The following ZFPM2 variants were observed in gnomAD, a reference collection of about 807,000 sequenced individuals.
ZFPM2 encodes the protein zinc finger protein ZFPM2.
In ZFPM2, 20 loss-of-function variants were observed where a neutral mutation model predicts 98.6. The observed-to-expected ratio is 0.20, with a 90% confidence interval of 0.14 to 0.29. The LOEUF (loss-of-function observed/expected upper bound fraction) is 0.29. ZFPM2 is among the 10% of genes least tolerant of loss of function. ZFPM2 has a pLI of 1.00. For missense variants in ZFPM2, 1,310 were observed against 1,388.6 expected (o/e 0.94, Z 0.90); for synonymous variants, 518 against 502.7 (o/e 1.03, Z -0.41).
At chr8:105,426,294 A>T (rs1473285065) in intron 2 of ZFPM2, among the ~76,000 whole-genome samples, 5 of 152,210 alleles carry the variant, frequency 3.3e-5, no homozygotes, top group Non-Finnish European at 5.9e-5. Context: ...AAAAGCCAAT[A>T]TGACTTTGTT....
intron 5 of ZFPM2, among the ~76,000 whole-genome samples, chr8:105,726,544 C>G (rs1325875470): frequency 6.6e-6 from 1 of 151,808 alleles, no homozygotes; most frequent in Non-Finnish European, 1.5e-5. Context: ...CAGTAAATAA[C>G]TAGCAGACGC....
chr8:105,795,656 T>A, intron 6 of ZFPM2: 1 of 307,956 alleles, frequency 3.2e-6, no homozygotes, highest in Non-Finnish European at 6.3e-6. Context: ...GAACACTTTA[T>A]ATGGAGAATT....
chr8:105,387,190 A>G (rs925853953), intron 1 of ZFPM2: 4 of 152,788 alleles, frequency 2.6e-5, no homozygotes, highest in African/African-American at 7.2e-5. Flanking sequence ...CAGAGTGCCA[A>G]TTGCTGTATT....
At chr8:105,451,957 C>G (rs909410200) in intron 3 of ZFPM2, among the ~76,000 whole-genome samples, 11 of 152,068 alleles carry the variant, frequency 7.2e-5, no homozygotes, top group African/African-American at 2.7e-4. Context: ...TTGAAACCTT[C>G]AAAAGACTGG....
chr8:105,578,479 G>GT (rs1815517243), intron 4 of ZFPM2, among the ~76,000 whole-genome samples: 1 of 152,006 alleles, frequency 6.6e-6, no homozygotes, highest in Admixed American at 6.6e-5. Flanking sequence ...AAACAATTCA[G>GT]AGTATTCTTA....
chr8:105,725,120 G>T (rs1239480735), intron 5 of ZFPM2, among the ~76,000 whole-genome samples: 3 of 151,614 alleles, frequency 2.0e-5, no homozygotes, highest in Non-Finnish European at 4.4e-5. Context: ...CTATATAACT[G>T]ATTTGATTTT....
intron 4 of ZFPM2, among the ~76,000 whole-genome samples, chr8:105,573,656 C>T (rs1043844812): frequency 6.6e-6 from 1 of 152,078 alleles, no homozygotes; most frequent in African/African-American, 2.4e-5. Flanking sequence ...ATTAATTTTG[C>T]AATAAAGACA....
intron 4 of ZFPM2, among the ~76,000 whole-genome samples, chr8:105,615,388 C>T (rs1816393089): frequency 6.6e-6 from 1 of 152,064 alleles, no homozygotes; most frequent in African/African-American, 2.4e-5. Flanking sequence ...TACTTTTCTG[C>T]AAAGTTGAAT....
chr8:105,698,647 CA>C (rs1369322901), intron 5 of ZFPM2, among the ~76,000 whole-genome samples: 1 of 151,944 alleles, frequency 6.6e-6, no homozygotes, highest in Non-Finnish European at 1.5e-5. Flanking sequence ...TTTAGACGAA[CA>C]AAGTTCATGG....
chr8:105,687,184 A>G (rs1014476315), intron 5 of ZFPM2, among the ~76,000 whole-genome samples: 2 of 152,220 alleles, frequency 1.3e-5, no homozygotes, highest in Non-Finnish European at 2.9e-5. Flanking sequence ...CCATCAGCCT[A>G]GGTTCTTGAA....
At chr8:105,410,340 T>A (rs1159621714) in intron 1 of ZFPM2, among the ~76,000 whole-genome samples, 1 of 151,924 alleles carries the variant, frequency 6.6e-6, no homozygotes, top group Non-Finnish European at 1.5e-5. Flanking sequence ...CCACTCTTAA[T>A]TCATCTTTGC....
chr8:105,357,047 CA>C (rs1222845942), intron 1 of ZFPM2, among the ~76,000 whole-genome samples: 9 of 152,104 alleles, frequency 5.9e-5, no homozygotes, highest in African/African-American at 1.7e-4. Context: ...TTGCTTTTTG[CA>C]AACTATTTCT....
chr8:105,321,038 C>T (rs1812015133), intron 1 of ZFPM2, among the ~76,000 whole-genome samples: 1 of 152,110 alleles, frequency 6.6e-6, no homozygotes, highest in Admixed American at 6.5e-5. Flanking sequence ...AATGTGGACA[C>T]CCCTTCTTCC....
At chr8:105,398,238 A>T (rs1438708047) in intron 1 of ZFPM2, among the ~76,000 whole-genome samples, 1 of 152,102 alleles carries the variant, frequency 6.6e-6, no homozygotes, top group Admixed American at 6.6e-5. Flanking sequence ...TAAGGATCAT[A>T]TTGTTAGTTT....
At chr8:105,395,854 G>A (rs575732483) in intron 1 of ZFPM2, among the ~76,000 whole-genome samples, 8 of 152,250 alleles carry the variant, frequency 5.3e-5, no homozygotes, top group Non-Finnish European at 1.2e-4. Flanking sequence ...CAGAATCAAG[G>A]TTTAAATGCA....
intron 1 of ZFPM2, among the ~76,000 whole-genome samples, chr8:105,354,806 T>A (rs570587765): frequency 1.3e-5 from 2 of 152,030 alleles, no homozygotes; most frequent in African/African-American, 4.8e-5. Context: ...TACAAAAAAT[T>A]AGCTGGGCAT....
chr8:105,366,440 C>A (rs1441242653), intron 1 of ZFPM2, among the ~76,000 whole-genome samples: 1 of 151,994 alleles, frequency 6.6e-6, no homozygotes, highest in African/African-American at 2.4e-5. Context: ...GATACTGAAT[C>A]TTTATTTACA....
chr8:105,444,518 A>T (rs942514483), intron 3 of ZFPM2, 137 bp downstream of exon 3: 17 of 492,964 alleles, frequency 3.4e-5, no homozygotes, highest in Non-Finnish European at 5.6e-5. Context: ...AATAAAGATT[A>T]TTATTTTAAA....
intron 1 of ZFPM2, among the ~76,000 whole-genome samples, chr8:105,364,906 T>C (rs1810479006): frequency 6.6e-6 from 1 of 152,110 alleles, no homozygotes; most frequent in Admixed American, 6.6e-5. Flanking sequence ...TACTGATAAT[T>C]ACTGCTCCTA....
Sources: allele counts gnomAD v4.1 joint callset (sites outside exome capture counted in the v4.1 genomes callset), GRCh38; gene constraint gnomAD v4.1.1; transcripts MANE v1.5; gene names NCBI Gene and HGNC (gene_info 2026-07-23, HGNC 2026-07-21).